The following UBAP2L variants were observed in gnomAD, a reference collection of about 807,000 sequenced individuals.
The protein encoded by UBAP2L is ubiquitin associated protein 2 like.
A neutral mutation model predicts 130.6 loss-of-function variants in UBAP2L; 12 were observed. The observed-to-expected ratio is 0.09, with a 90% CI of 0.06 to 0.15. The LOEUF is 0.15. UBAP2L is among the 10% of genes least tolerant of loss of function. UBAP2L has a pLI of 1.00. For synonymous variants in UBAP2L, 503 were observed against 524.7 expected, an observed-to-expected ratio of 0.96 and a Z score of 0.57; for missense variants, 965 against 1,332.5, an observed-to-expected ratio of 0.72 and a Z score of 4.29.
chr1:154,220,435 C>T (rs753554183), upstream of UBAP2L: 42 of 1,614,018 alleles, frequency 2.6e-5, no homozygotes, highest in Non-Finnish European at 3.5e-5. Flanking sequence ...CAGAATTGTT[C>T]GGGTTTACCC....
intron 4 of UBAP2L, among the ~76,000 whole-genome samples, chr1:154,231,835 CAT>C (rs1189173456): frequency 6.6e-6 from 1 of 152,140 alleles, no homozygotes; most frequent in Non-Finnish European, 1.5e-5. Context: ...AAGTTGTAGA[CAT>C]AATACTTGAT....
intron 24 of UBAP2L, among the ~76,000 whole-genome samples, chr1:154,262,846 C>CT (rs1203807202): frequency 2.6e-5 from 4 of 152,058 alleles, no homozygotes; most frequent in Admixed American, 2.6e-4. Flanking sequence ...GATTATAAGC[C>CT]TTTTGACTTG....
intron 24 of UBAP2L, 137 bp from the exon 25 acceptor site, chr1:154,266,363 CT>C: frequency 1.2e-6 from 1 of 842,896 alleles, no homozygotes; most frequent in Non-Finnish European, 2.0e-6. Flanking sequence ...CCTCTCAGGA[CT>C]AACTTGAAGC....
At chr1:154,220,329 G>C (rs368781363), upstream of UBAP2L, 7 of 1,613,904 alleles carry the variant, frequency 4.3e-6, no homozygotes, top group Admixed American at 6.7e-5. Flanking sequence ...ATGGGGTGGG[G>C]TAATCTCCTC....
chr1:154,243,180 C>A, intron 9 of UBAP2L, 37 bp from the exon 10 acceptor site: 1 of 1,579,126 alleles, frequency 6.3e-7, no homozygotes, highest in Non-Finnish European at 8.7e-7. Context: ...CTGTAGCATC[C>A]CTGACACCAA....
chr1:154,234,515 G>GTCATCCCAGCTTTCATCTCTAGTGTCCT, intron 4 of UBAP2L, 76 bp from the exon 5 acceptor site: 2 of 1,515,652 alleles, frequency 1.3e-6, no homozygotes, highest in Non-Finnish European at 1.8e-6. Context: ...AAGTCAATCA[G>GTCATCCCAGCTTTCATCTCTAGTGTCCT]TCATCCCAGC....
At chr1:154,245,634 G>A (rs1245507823) in intron 10 of UBAP2L, among the ~76,000 whole-genome samples, 5 of 152,150 alleles carry the variant, frequency 3.3e-5, no homozygotes, top group African/African-American at 1.2e-4. Flanking sequence ...TTTGAGGCCG[G>A]GTGCGGTGCG....
At chr1:154,237,318 A>G (rs1212659311) in intron 8 of UBAP2L, among the ~76,000 whole-genome samples, 182 bp downstream of exon 8, 1 of 152,198 alleles carries the variant, frequency 6.6e-6, no homozygotes, top group African/African-American at 2.4e-5. Context: ...CACATTACAC[A>G]TGTTATTTCG....
chr1:154,253,605 C>T (rs935609053), intron 14 of UBAP2L, among the ~76,000 whole-genome samples: 3 of 151,720 alleles, frequency 2.0e-5, no homozygotes, highest in African/African-American at 7.3e-5. Context: ...ATCTCCTGAC[C>T]TCGTGATCCG....
chr1:154,245,508 C>T (rs747572665), intron 10 of UBAP2L, among the ~76,000 whole-genome samples: 13 of 152,108 alleles, frequency 8.5e-5, no homozygotes, highest in Non-Finnish European at 1.6e-4. Context: ...TTCCAGTGTT[C>T]TGGTATATGA....
chr1:154,240,487 A>G (rs1673164843), intron 8 of UBAP2L, among the ~76,000 whole-genome samples: 1 of 152,142 alleles, frequency 6.6e-6, no homozygotes, highest in Admixed American at 6.5e-5. Context: ...GTCAGGTTTC[A>G]AGTTCTATAT....
intron 8 of UBAP2L, among the ~76,000 whole-genome samples, chr1:154,241,155 C>T (rs968353693): frequency 2.0e-5 from 3 of 152,060 alleles, no homozygotes; most frequent in African/African-American, 7.3e-5. Flanking sequence ...ATGCCGCGAT[C>T]TCAGCTCACT....
At chr1:154,221,714 C>T (rs1294401287) in intron 1 of UBAP2L, among the ~76,000 whole-genome samples, 1 of 152,192 alleles carries the variant, frequency 6.6e-6, no homozygotes, top group Non-Finnish European at 1.5e-5. Context: ...TTTGTCAGCT[C>T]CTCTTATTAC....
chr1:154,220,574 G>A (rs561467028), upstream of UBAP2L: 3 of 672,910 alleles, frequency 4.5e-6, no homozygotes, highest in African/African-American at 3.6e-5. Flanking sequence ...GGACAGGCAG[G>A]AGAGCTGGGA....
intron 7 of UBAP2L, among the ~76,000 whole-genome samples, 174 bp from the exon 8 acceptor site, chr1:154,236,850 C>T (rs1172845559): frequency 6.6e-6 from 1 of 151,950 alleles, no homozygotes; most frequent in African/African-American, 2.4e-5. Flanking sequence ...GAGATTATAC[C>T]ATGAAATTTT....
rs1193051871 is a variant in UBAP2L, at chr1:154,251,265, C to G, written c.1438C>G (p.Pro480Ala). 5 of 1,614,190 alleles carry G rather than the reference C, an allele frequency of 3.1e-6. No individual in the cohort carries two copies. Among genetic ancestry groups the G allele is most frequent in the Admixed American group, 3.3e-5 (2 of 60,022 alleles). The change falls in exon 13 of 27, where the codon CCG becomes GCG. Residue 480 changes from proline to alanine, a missense_variant. Pro to Ala is a conservative substitution (Grantham distance 27). Transcript: ENST00000428931. ...SSDNQSSSPQPAQQKLKQQKK... is the reference protein window; with the variant it reads ...SSDNQSSSPQAAQQKLKQQKK... ...AGACAACCAGTCCTCTAGCCCTCAG[C>G]CGGCTCAGCAGAAACTGAAACAGCA...
chr1:154,248,353 TG>T (rs1676303781), intron 11 of UBAP2L, among the ~76,000 whole-genome samples: 1 of 152,212 alleles, frequency 6.6e-6, no homozygotes, highest in Admixed American at 6.5e-5. Context: ...GTGCAGAAGT[TG>T]GGATGCCCTT....
chr1:154,257,526 C>T, intron 20 of UBAP2L, 92 bp downstream of exon 20: 1 of 1,360,704 alleles, frequency 7.3e-7, no homozygotes, highest in Admixed American at 1.9e-5. Flanking sequence ...CTGTGAATAC[C>T]AAAACTTGCA....
intron 24 of UBAP2L, chr1:154,263,493 T>A: frequency 9.2e-7 from 1 of 1,081,836 alleles, no homozygotes; most frequent in Non-Finnish European, 1.1e-6. Context: ...ACTGTGGTAT[T>A]TCTTTAGCTA....
Sources: gnomAD v4.1 joint callset for allele counts (sites outside exome capture counted in the v4.1 genomes callset) on GRCh38, gnomAD v4.1.1 for gene constraint, MANE v1.5 for transcripts, NCBI Gene and HGNC (gene_info 2026-07-23, HGNC 2026-07-21) for gene names.